Variants in MB21D2 observed in about 807,000 individuals in gnomAD.
MB21D2 encodes the protein nucleotidyltransferase MB21D2.
Under a neutral mutation model 33.3 loss-of-function variants are expected in MB21D2, and 9 were observed. That is an observed-to-expected ratio of 0.27 (90% CI 0.16 to 0.47). MB21D2 has a LOEUF of 0.47. MB21D2 is among the 20% of genes least tolerant of loss of function. MB21D2 has a pLI of 0.99. For missense variants in MB21D2, 540 were observed against 624.6 expected, an observed-to-expected ratio of 0.86 and a Z score of 1.44; for synonymous variants, 241 against 236.3, an observed-to-expected ratio of 1.02 and a Z score of -0.18.
At chr3:192,835,271 G>A (rs13063622) in intron 1 of MB21D2, among the ~76,000 whole-genome samples, 23,724 of 149,422 alleles carry the variant, frequency 0.16, 2,329 homozygotes, top group African/African-American at 0.28. Flanking sequence ...TGGCTAGCAC[G>A]GTGAAACACC....
At chr3:192,910,920 C>T (rs545188616) in intron 1 of MB21D2, among the ~76,000 whole-genome samples, 7 of 152,294 alleles carry the variant, frequency 4.6e-5, no homozygotes, top group African/African-American at 1.7e-4. Flanking sequence ...TCCCTTTTCT[C>T]TTACTATATA....
At chr3:192,833,580 A>T (rs918812812) in intron 1 of MB21D2, among the ~76,000 whole-genome samples, 1 of 152,196 alleles carries the variant, frequency 6.6e-6, no homozygotes, top group Non-Finnish European at 1.5e-5. Flanking sequence ...GCATTTTCTG[A>T]CAGATGGGCT....
intron 1 of MB21D2, among the ~76,000 whole-genome samples, chr3:192,810,681 AT>A (rs1194174008): frequency 6.6e-6 from 1 of 152,136 alleles, no homozygotes; most frequent in Admixed American, 6.6e-5. Context: ...CATTTATCCC[AT>A]TTTTTTGGCA....
intron 1 of MB21D2, among the ~76,000 whole-genome samples, chr3:192,864,993 T>G (rs1252184602): frequency 6.6e-6 from 1 of 152,144 alleles, no homozygotes; most frequent in East Asian, 1.9e-4. Flanking sequence ...ACAGAAGACA[T>G]CTCAGATGGT....
chr3:192,908,959 T>G (rs1361653112), intron 1 of MB21D2, among the ~76,000 whole-genome samples: 1 of 151,656 alleles, frequency 6.6e-6, no homozygotes, highest in Admixed American at 6.6e-5. Flanking sequence ...AAATCAGTAT[T>G]AAAATACAAA....
intron 1 of MB21D2, among the ~76,000 whole-genome samples, chr3:192,847,912 A>C (rs1003840753): frequency 8.5e-5 from 13 of 152,248 alleles, no homozygotes; most frequent in Non-Finnish European, 1.9e-4. Context: ...CCATCAAAAA[A>C]ACATTCAAAC....
At chr3:192,830,817 T>C (rs1174004386) in intron 1 of MB21D2, among the ~76,000 whole-genome samples, 1 of 152,214 alleles carries the variant, frequency 6.6e-6, no homozygotes, top group Non-Finnish European at 1.5e-5. Flanking sequence ...ATCTGTGCTT[T>C]AACAGAAGAT....
intron 1 of MB21D2, among the ~76,000 whole-genome samples, chr3:192,827,470 T>C (rs1712201215): frequency 6.6e-6 from 1 of 152,146 alleles, no homozygotes; most frequent in Admixed American, 6.6e-5. Context: ...AGCCCAGTGC[T>C]GACACTTAGA....
intron 1 of MB21D2, among the ~76,000 whole-genome samples, chr3:192,893,715 G>A (rs1003054791): frequency 6.6e-6 from 1 of 152,178 alleles, no homozygotes; most frequent in Admixed American, 6.5e-5. Flanking sequence ...CGAAACCAGT[G>A]CATGATTCCC....
intron 1 of MB21D2, among the ~76,000 whole-genome samples, chr3:192,841,190 C>T (rs990725244): frequency 1.3e-5 from 2 of 152,184 alleles, no homozygotes; most frequent in African/African-American, 4.8e-5. Flanking sequence ...TCAATGAGAC[C>T]AGCCTGCAAA....
chr3:192,911,660 T>C (rs1012726876), intron 1 of MB21D2, among the ~76,000 whole-genome samples: 2 of 149,198 alleles, frequency 1.3e-5, no homozygotes, highest in African/African-American at 4.8e-5. Context: ...GAGCAATGTA[T>C]TATCCAATGA....
intron 1 of MB21D2, among the ~76,000 whole-genome samples, chr3:192,860,784 G>A (rs747840777): frequency 8.5e-5 from 13 of 152,262 alleles, no homozygotes; most frequent in Non-Finnish European, 1.8e-4. Context: ...AGCTAATCCA[G>A]ACACATCTGA....
chr3:192,803,147 C>T (rs1711590703), intron 1 of MB21D2, among the ~76,000 whole-genome samples: 1 of 152,166 alleles, frequency 6.6e-6, no homozygotes, highest in African/African-American at 2.4e-5. Context: ...GCTAAAACTC[C>T]CTTCTGCCCT....
rs138149582 is a variant in MB21D2 at position 192,848,880 on chromosome 3, CCCT to C, written c.212-49233_212-49231del. Among the ~76,000 whole-genome samples, 235 of 152,254 alleles carry C rather than the reference CCCT, an allele frequency of 1.5e-3. 1 individual carries two copies. The highest frequency in any genetic ancestry group is 5.5e-3 in the African/African-American group (230 of 41,538). On this transcript the variant is annotated intron_variant, in intron 1 of 1. Transcript: ENST00000392452. Reference sequence around the variant, plus strand: ...TTCCACTATGGAAAGTGCTCGCTTCCCCTTGGGGTTCTGATGGACCGAAGAGAA... The same window carrying C: ...TTCCACTATGGAAAGTGCTCGCTTCCTGGGGTTCTGATGGACCGAAGAGAA...
chr3:192,886,222 T>C (rs1577196476), intron 1 of MB21D2, among the ~76,000 whole-genome samples: 2 of 152,242 alleles, frequency 1.3e-5, no homozygotes, highest in Admixed American at 1.3e-4. Flanking sequence ...CCTCCCAAAG[T>C]GCTGGGATTA....
intron 1 of MB21D2, among the ~76,000 whole-genome samples, chr3:192,845,597 AC>A (rs2108627199): frequency 6.6e-6 from 1 of 152,278 alleles, no homozygotes; most frequent in Non-Finnish European, 1.5e-5. Context: ...AATGTTCCAC[AC>A]CCTAACGGGT....
At chr3:192,914,004 T>C (rs929485963) in intron 1 of MB21D2, among the ~76,000 whole-genome samples, 1 of 152,246 alleles carries the variant, frequency 6.6e-6, no homozygotes, top group East Asian at 1.9e-4. Context: ...AATCTACTTA[T>C]ATTACGCTAA....
rs1344762626 is a variant in MB21D2 at position 192,819,837 on chromosome 3, C to T, written c.212-20187G>A. Among the ~76,000 whole-genome samples the T allele has an allele frequency of 5.9e-5, 9 of 152,186 alleles. 1 individual carries two copies. The highest frequency in any genetic ancestry group is 5.9e-4 in the Admixed American group (9 of 15,280). The stretch of plus-strand genomic sequence containing the variant: ...TTTCCAGGTACTCCAGCTTGGGAGG[C>T]ACCTGACATCCATCTGTGAAAGTGC... On this transcript the variant is annotated intron_variant, in intron 1 of 1. Coordinates refer to ENST00000392452, the MANE Select transcript of MB21D2 (RefSeq NM_178496.4).
At chr3:192,800,471 A>C (rs1711538118) in intron 1 of MB21D2, among the ~76,000 whole-genome samples, 1 of 152,206 alleles carries the variant, frequency 6.6e-6, no homozygotes, top group South Asian at 2.1e-4. Flanking sequence ...AAAGACACTG[A>C]TGCCAAACTG....
Sources: gnomAD v4.1 joint callset for allele counts (sites outside exome capture counted in the v4.1 genomes callset) on GRCh38, gnomAD v4.1.1 for gene constraint, MANE v1.5 for transcripts, NCBI Gene and HGNC (gene_info 2026-07-23, HGNC 2026-07-21) for gene names.